Variants in SYK observed in about 807,000 individuals in gnomAD.
The protein encoded by SYK is tyrosine-protein kinase SYK.
SYK carries 16 observed loss-of-function variants against 77.8 expected under a neutral mutation model. The observed-to-expected ratio is 0.21, with a 90% confidence interval of 0.14 to 0.31. The LOEUF is 0.31. SYK is among the 10% of genes least tolerant of loss of function. The probability of loss-of-function intolerance (pLI) is 1.00; values close to 1 mark genes in which losing one functional copy is unlikely to be tolerated. For synonymous variants in SYK, 312 were observed against 308.7 expected, an observed-to-expected ratio of 1.01 and a Z score of -0.11; for missense variants, 529 against 814.4, an observed-to-expected ratio of 0.65 and a Z score of 4.26.
At position 90,884,800 on chromosome 9, in the gene SYK, CAT is replaced by C. The variant is rs1464344511; in HGVS notation, c.1582-2946_1582-2945del. On this transcript the variant is annotated intron_variant, in intron 11 of 13. Coordinates refer to ENST00000375754, the MANE Select transcript of SYK (RefSeq NM_003177.7). ...ACACATGTGTACATGCACATATACA[CAT>C]ATGTGTACATACACATATACACATA... is the stretch of plus-strand genomic sequence containing the variant. Among the ~76,000 whole-genome samples, 3 of 71,696 alleles carry C rather than the reference CAT, an allele frequency of 4.2e-5. 1 individual carries two copies. The highest frequency in any genetic ancestry group is 1.6e-4 in the Admixed American group (1 of 6,270). The allele number at this position is 71,696 out of a possible 152,430, so 47.0% of individuals were successfully genotyped here.
Position 90,874,679 on chromosome 9 carries a change from G to C in SYK, c.1011G>C (p.Gln337His), listed in dbSNP as rs762311925. 4.3e-6 allele frequency: 7 copies of C among 1,612,958 alleles called. No individual in the cohort carries two copies. In the Admixed American group the frequency reaches 1.0e-4, roughly 23 times the overall value. ...TTCTTGACTGCATTGCAGGCCCCCA[G>C]AGAGAAGCCCTACCCATGGACACAG... Reference protein sequence around the residue: ...LAPWAADKGPQREALPMDTEV... With the variant: ...LAPWAADKGPHREALPMDTEV... Residue 337 changes from glutamine to histidine, a missense_variant, in exon 9 of 14, where the codon CAG becomes CAC. Physicochemically the swap from Gln to His is conservative, Grantham distance 24. This residue lies in a region of SYK where 321 missense variants were observed against 433.1 expected (regional missense o/e 0.74). Coordinates refer to ENST00000375754, the MANE Select transcript of SYK (RefSeq NM_003177.7).
Position 90,850,827 on chromosome 9 carries a change from T to C in SYK, c.578+5233T>C, listed in dbSNP as rs564324084. ...ATGCACCTCCATAGCCATCACAAAA[T>C]GCCTTTGCTCAAACAGACCTTGAAA... On this transcript the variant is annotated intron_variant, in intron 3 of 13. Transcript: ENST00000375754. Among the ~76,000 whole-genome samples, 11 of 149,984 alleles carry C rather than the reference T, an allele frequency of 7.3e-5. No individual in the cohort carries two copies. The South Asian group carries it at 2.3e-3, about 32-fold the overall frequency.
At chr9:90,862,659 A>C (rs1827323626) in intron 4 of SYK, among the ~76,000 whole-genome samples, 1 of 152,246 alleles carries the variant, frequency 6.6e-6, no homozygotes, top group African/African-American at 2.4e-5. Context: ...TCAGTGCCAC[A>C]AGGTGATGTA....
chr9:90,894,960 A>T (rs551631653), intron 13 of SYK, among the ~76,000 whole-genome samples: 1 of 152,348 alleles, frequency 6.6e-6, no homozygotes, highest in East Asian at 1.9e-4. Flanking sequence ...TGCTCCTGCC[A>T]TGACATGTTT....
chr9:90,877,880 C>CAAGG, intron 10 of SYK, 100 bp downstream of exon 10: 2 of 1,251,334 alleles, frequency 1.6e-6, no homozygotes, highest in Non-Finnish European at 2.3e-6. Flanking sequence ...GAAGCCTTCC[C>CAAGG]ACCCTCCTGT....
intron 3 of SYK, among the ~76,000 whole-genome samples, chr9:90,857,241 G>A (rs1421640547): frequency 9.2e-5 from 14 of 152,298 alleles, no homozygotes; most frequent in Admixed American, 7.2e-4. Flanking sequence ...ATATGCTGCC[G>A]TAATTGATCA....
intron 13 of SYK, among the ~76,000 whole-genome samples, chr9:90,891,300 C>T (rs1461986469): frequency 6.6e-6 from 1 of 152,076 alleles, no homozygotes; most frequent in African/African-American, 2.4e-5. Context: ...CGCCCGCCAC[C>T]ACGCCCAGCT....
intron 1 of SYK, among the ~76,000 whole-genome samples, chr9:90,816,314 GTTC>G (rs2118358443): frequency 6.6e-6 from 1 of 152,290 alleles, no homozygotes; most frequent in South Asian, 2.1e-4. Context: ...CTGTGCTTCT[GTTC>G]TTCTGATTTT....
At chr9:90,839,113 C>T (rs1826195465) in intron 1 of SYK, among the ~76,000 whole-genome samples, 1 of 152,216 alleles carries the variant, frequency 6.6e-6, no homozygotes, top group African/African-American at 2.4e-5. Flanking sequence ...CATTTCCTGC[C>T]AAGGTGGCCT....
intron 1 of SYK, among the ~76,000 whole-genome samples, chr9:90,805,290 G>A (rs1333633): frequency 0.55 from 82,963 of 151,980 alleles, 23,291 homozygotes; most frequent in East Asian, 0.69. Flanking sequence ...TCTGAAACTG[G>A]GATCCTGGCT....
At position 90,896,834 on chromosome 9, in the gene SYK, C is replaced by G. The variant is rs1829006731; in HGVS notation, c.*1234C>G. 4.8e-6 allele frequency: 1 copy of G among 210,314 alleles called. No individual in the cohort carries two copies. The highest frequency in any genetic ancestry group is 9.7e-6 in the Non-Finnish European group (1 of 103,612). The allele number at this position is 210,314 out of a possible 1,614,324, so 13.0% of individuals were successfully genotyped here. A position where few individuals can be genotyped will look rare whatever the true frequency, so the allele number is the denominator to read the frequency against. ...TTGAGGTAAGGAGTTTGAGACTAGC[C>G]TGGCCAATATGGTAAAACCCCATCT... On this transcript the variant is annotated 3_prime_UTR_variant, in exon 14 of 14. Transcript: ENST00000375754.
At chr9:90,888,491 T>G in intron 12 of SYK, 24 bp from the exon 13 acceptor site, 1 of 1,535,474 alleles carries the variant, frequency 6.5e-7, no homozygotes. Context: ...AAAAAAAAGC[T>G]TATGCATATC....
intron 1 of SYK, among the ~76,000 whole-genome samples, chr9:90,807,807 C>T (rs1252264973): frequency 6.6e-6 from 1 of 152,178 alleles, no homozygotes; most frequent in Non-Finnish European, 1.5e-5. Flanking sequence ...TCTTAACCTC[C>T]ACCCTCAGTC....
At chr9:90,869,700 T>A (rs905506966) in intron 7 of SYK, among the ~76,000 whole-genome samples, 1 of 152,248 alleles carries the variant, frequency 6.6e-6, no homozygotes, top group Admixed American at 6.5e-5. Context: ...ACCTATAGCA[T>A]CTAGATAGTT....
chr9:90,835,868 C>T (rs1224694979), intron 1 of SYK, among the ~76,000 whole-genome samples: 3 of 152,168 alleles, frequency 2.0e-5, no homozygotes, highest in Non-Finnish European at 4.4e-5. Context: ...GACCCTTGAA[C>T]GTTACAGGTT....
chr9:90,883,749 C>A (rs539030181), intron 11 of SYK, among the ~76,000 whole-genome samples: 3 of 152,134 alleles, frequency 2.0e-5, no homozygotes, highest in African/African-American at 7.2e-5. Flanking sequence ...AGTGAGTTGC[C>A]CTACCACCAT....
chr9:90,877,427 A>T, intron 9 of SYK, 144 bp from the exon 10 acceptor site: 1 of 820,066 alleles, frequency 1.2e-6, no homozygotes, highest in Non-Finnish European at 1.9e-6. Context: ...GCCATCCATT[A>T]CAGGCTTCTG....
At chr9:90,874,584 C>G (rs1003342083) in intron 8 of SYK, 88 bp from the exon 9 acceptor site, 10 of 1,439,260 alleles carry the variant, frequency 6.9e-6, no homozygotes, top group Non-Finnish European at 7.6e-6. Flanking sequence ...ACTCTGAGTT[C>G]ATATTCCCAT....
At chr9:90,842,168 GTTGTGTGTGTGGTGTGTATGTAGT>G (rs1297955188) in intron 1 of SYK, among the ~76,000 whole-genome samples, 1 of 151,528 alleles carries the variant, frequency 6.6e-6, no homozygotes, top group African/African-American at 2.4e-5. Flanking sequence ...TTTGTAGTGT[GTTGTGTGTGTGGTGTGTATGTAGT>G]TTGTGTGTGT....
Sources: gnomAD v4.1 joint callset for allele counts (sites outside exome capture counted in the v4.1 genomes callset) on GRCh38, gnomAD v4.1.1 for gene constraint, gnomAD v4.1.1 regional missense constraint, MANE v1.5 for transcripts, NCBI Gene and HGNC (gene_info 2026-07-23, HGNC 2026-07-21) for gene names.